Variants in TUSC3 observed in about 807,000 individuals in gnomAD.
The protein encoded by TUSC3 is tumor suppressor candidate 3.
In TUSC3, 45 loss-of-function variants were observed where a neutral mutation model predicts 44.8. That is an observed-to-expected ratio of 1.00 (90% CI 0.79 to 1.29). The LOEUF is 1.29. Ranked by LOEUF, TUSC3 falls within the 50% of genes most tolerant of loss-of-function variation. The pLI is 0.00. For missense variants in TUSC3, 519 were observed against 437.9 expected (o/e 1.19, Z -1.65); for synonymous variants, 212 against 152.9 (o/e 1.39, Z -2.85).
chr8:15,475,510 T>A (rs749881881), intron 1 of TUSC3, among the ~76,000 whole-genome samples: 30 of 152,214 alleles, frequency 2.0e-4, no homozygotes, highest in Non-Finnish European at 3.1e-4. Context: ...AAGAGATTTT[T>A]AAATTCCCCT....
At chr8:15,747,436 A>G (rs999866646) in intron 8 of TUSC3, among the ~76,000 whole-genome samples, 6 of 149,840 alleles carry the variant, frequency 4.0e-5, no homozygotes, top group African/African-American at 1.4e-4. Context: ...CTACTTATAT[A>G]TTTAAATAAA....
the TUSC3 span, among the ~76,000 whole-genome samples, chr8:15,788,341 G>A: frequency 6.6e-6 from 1 of 152,084 alleles, no homozygotes; most frequent in African/African-American, 2.4e-5. Context: ...AAGGTCAGGA[G>A]TTTCAGACCA....
At chr8:15,434,391 G>C (rs968647265) in intron 1 of TUSC3, among the ~76,000 whole-genome samples, 1 of 151,976 alleles carries the variant, frequency 6.6e-6, no homozygotes, top group Non-Finnish European at 1.5e-5. Context: ...AACGCAAATT[G>C]TACTTCTTCA....
In TUSC3 at chr8:15,692,375, G is replaced by GTTTTTTTT. The variant is rs59838929; in HGVS notation, c.798+18556_798+18563dup. 7.5e-4 allele frequency among the ~76,000 whole-genome samples: 51 copies of GTTTTTTTT among 68,344 alleles called. 1 individual carries two copies. Among genetic ancestry groups the GTTTTTTTT allele is most frequent in the East Asian group, 1.5e-3 (3 of 1,976 alleles). The allele number at this position is 68,344 out of a possible 152,430, so 44.8% of individuals were successfully genotyped here. On this transcript the variant is annotated intron_variant, in intron 6 of 10. Transcript: ENST00000503731. ...GGAGGAGACCCCCCCCCCCCCCTTT[G>GTTTTTTTT]TTTTTTTTTTTTTTTTTTTTTTTTG...
intron 2 of TUSC3, among the ~76,000 whole-genome samples, chr8:15,493,819 C>A (rs17116315): frequency 1.6e-4 from 25 of 152,114 alleles, no homozygotes; most frequent in Admixed American, 6.5e-5. Context: ...CAATTATAAC[C>A]TTTCCGATTG....
intron 1 of TUSC3, among the ~76,000 whole-genome samples, chr8:15,594,180 T>C (rs1178779237): frequency 1.3e-5 from 2 of 152,212 alleles, no homozygotes; most frequent in East Asian, 3.8e-4. Flanking sequence ...ATTCTTTTTT[T>C]GGAATGGCTT....
At chr8:15,449,328 C>T (rs890289017) in intron 1 of TUSC3, among the ~76,000 whole-genome samples, 13 of 152,080 alleles carry the variant, frequency 8.5e-5, no homozygotes, top group Admixed American at 2.6e-4. Context: ...AAAAAATGGC[C>T]GTGTTAGCAT....
the TUSC3 span, among the ~76,000 whole-genome samples, chr8:15,822,054 A>T: frequency 6.6e-6 from 1 of 152,190 alleles, no homozygotes; most frequent in Admixed American, 6.5e-5. Context: ...CTTAAAATCC[A>T]GCAGAAGTTT....
Position 15,755,044 on chromosome 8 carries a change from C to G in TUSC3, c.1029-2747C>G, listed in dbSNP as rs1166848135. 2.0e-5 allele frequency among the ~76,000 whole-genome samples: 3 copies of G among 152,056 alleles called. No homozygotes were observed. In the East Asian group the frequency reaches 5.8e-4, roughly 29 times the overall value. ...CTACTTTAAATATTTATCCTATAGT[C>G]TTAAATCTTCCCCTAAAGTTTACCC... is the stretch of plus-strand genomic sequence containing the variant. On this transcript the variant is annotated intron_variant, in intron 9 of 10. Transcript: ENST00000503731.
intron 1 of TUSC3, among the ~76,000 whole-genome samples, chr8:15,560,427 G>A (rs1271503680): frequency 1.4e-5 from 2 of 147,382 alleles, no homozygotes; most frequent in Admixed American, 6.8e-5. Flanking sequence ...CTCTCTGGCT[G>A]CCCTTAACAT....
intron 6 of TUSC3, among the ~76,000 whole-genome samples, chr8:15,714,804 A>G (rs984742106): frequency 3.3e-5 from 5 of 152,194 alleles, no homozygotes; most frequent in Non-Finnish European, 5.9e-5. Context: ...GTCTGAAGTG[A>G]GAGCTACATA....
rs191790791 is a variant in TUSC3, at chr8:15,503,611, G to C, written n.189+20128G>C. Among the ~76,000 whole-genome samples, 88 of 152,180 alleles carry C rather than the reference G, an allele frequency of 5.8e-4. 1 individual carries two copies. Among genetic ancestry groups the C allele is most frequent in the African/African-American group, 1.6e-3 (65 of 41,542 alleles). Reference sequence around the variant, plus strand: ...CCCAGCTACTCACAAGGCTAAGAAGGGGGGATTGCTTGAGCCCAGGAATTC... The same window carrying C: ...CCCAGCTACTCACAAGGCTAAGAAGCGGGGATTGCTTGAGCCCAGGAATTC... On this transcript the variant is annotated intron_variant and non_coding_transcript_variant, in intron 2 of 5. Transcript: ENST00000503191.
the TUSC3 span, among the ~76,000 whole-genome samples, chr8:15,790,179 CT>C: frequency 0.012 from 861 of 72,170 alleles, 2 homozygotes; most frequent in African/African-American, 0.044. Context: ...TTGTTAAGGC[CT>C]TTTTTTTTTT....
At chr8:15,538,341 G>A (rs1056838645), upstream of TUSC3, among the ~76,000 whole-genome samples, 1 of 152,214 alleles carries the variant, frequency 6.6e-6, no homozygotes, top group Non-Finnish European at 1.5e-5. Flanking sequence ...GAAATAAGGT[G>A]TAAAGTTTAT....
chr8:15,673,763 T>C lies in TUSC3; in HGVS notation c.725T>C (p.Met242Thr). ...AMVSLCIVFA[M>T]TSGQMWNHIR... The stretch of plus-strand genomic sequence containing the variant: ...GTTTTTCAGTGTATAGTCTTTGCTA[T>C]GACTTCTGGCCAGATGTGGAACCAT... The change falls in exon 6 of 11, where the codon ATG becomes ACG. Residue 242 changes from methionine (M) to threonine (T), a missense_variant. Coordinates refer to ENST00000503731, the MANE Select transcript of TUSC3 (RefSeq NM_006765.4). The C allele has an allele frequency of 6.2e-7, 1 of 1,612,846 alleles. No individual in the cohort carries two copies. The highest frequency in any genetic ancestry group is 8.5e-7 in the Non-Finnish European group (1 of 1,179,098).
intron 1 of TUSC3, among the ~76,000 whole-genome samples, chr8:15,582,462 C>G (rs1344811022): frequency 6.6e-6 from 1 of 152,164 alleles, no homozygotes; most frequent in East Asian, 1.9e-4. Flanking sequence ...GACATTTTGA[C>G]CACTTTGAAT....
intron 1 of TUSC3, among the ~76,000 whole-genome samples, chr8:15,603,476 G>T (rs1252176846): frequency 5.9e-5 from 9 of 151,572 alleles, no homozygotes; most frequent in Non-Finnish European, 1.5e-5. Context: ...TTTGTATTCT[G>T]TGGGCGTATT....
chr8:15,833,979 T>G, the TUSC3 span, among the ~76,000 whole-genome samples: 1 of 152,192 alleles, frequency 6.6e-6, no homozygotes, highest in Non-Finnish European at 1.5e-5. Context: ...TCAAAGTATA[T>G]GTGCATTCAA....
chr8:15,542,343 C>CT (rs1484778323), intron 1 of TUSC3, among the ~76,000 whole-genome samples: 1 of 152,032 alleles, frequency 6.6e-6, no homozygotes, highest in Non-Finnish European at 1.5e-5. Flanking sequence ...GTAAATGTTT[C>CT]TTATCAGACC....
Sources: gnomAD v4.1 joint callset for allele counts (sites outside exome capture counted in the v4.1 genomes callset) on GRCh38, gnomAD v4.1.1 for gene constraint, MANE v1.5 for transcripts, NCBI Gene and HGNC (gene_info 2026-07-23, HGNC 2026-07-21) for gene names.